The following DNAH6 variants were observed in gnomAD, a reference collection of about 807,000 sequenced individuals.
DNAH6 encodes dynein axonemal heavy chain 6, also known as axonemal beta dynein heavy chain 6.
Under a neutral mutation model 491.4 loss-of-function variants are expected in DNAH6, and 340 were observed. That is an observed-to-expected ratio of 0.69 (90% confidence interval 0.63 to 0.76). The LOEUF is 0.76. DNAH6 is among the 30% of genes least tolerant of loss of function. DNAH6 has a pLI of 0.00. For synonymous variants in DNAH6, 1,603 were observed against 1,686.1 expected (o/e 0.95, Z 1.21); for missense variants, 4,443 against 4,972.2 (o/e 0.89, Z 3.20).
chr2:84,623,383 A>G (rs1687575484), intron 26 of DNAH6, among the ~76,000 whole-genome samples: 1 of 152,168 alleles, frequency 6.6e-6, no homozygotes, highest in African/African-American at 2.4e-5. Flanking sequence ...CTCCAAATTC[A>G]ATTCTACTTC....
At chr2:84,491,638 G>T in the DNAH6 span, among the ~76,000 whole-genome samples, 1 of 152,122 alleles carries the variant, frequency 6.6e-6, no homozygotes, top group African/African-American at 2.4e-5. Context: ...TGATGTCTGG[G>T]ACTGCAGAAG....
At chr2:84,518,143 C>A in intron 2 of DNAH6, 92 bp downstream of exon 2, 2 of 908,810 alleles carry the variant, frequency 2.2e-6, no homozygotes, top group South Asian at 1.8e-5. Context: ...AGACTCTGAA[C>A]TGACAAAGAA....
At position 84,762,929 on chromosome 2, in the gene DNAH6, A is replaced by T; in HGVS notation, c.10687A>T (p.Ser3563Cys). ...MGAFQRFARE[S>C]GYSERVQSIS... ...TGCATTTCAGAGGTTTGCCAGGGAA[A>T]GTGGATATTCAGAACGGTAAGTTCA... Residue 3563 changes from serine to cysteine, a missense_variant, in exon 64 of 77, where the codon AGT (serine) becomes TGT (cysteine). Physicochemically the swap from Ser to Cys is moderately radical, Grantham distance 112 (BLOSUM62 -1). Coordinates refer to ENST00000389394, the MANE Select transcript of DNAH6 (RefSeq NM_001370.2). 6.4e-7 allele frequency: 1 copy of T among 1,551,240 alleles called. No individual in the cohort carries two copies. Among genetic ancestry groups the T allele is most frequent in the Non-Finnish European group, 8.7e-7 (1 of 1,146,642 alleles).
At chr2:84,637,616 A>G (rs1689006217) in intron 31 of DNAH6, among the ~76,000 whole-genome samples, 1 of 152,200 alleles carries the variant, frequency 6.6e-6, no homozygotes, top group Non-Finnish European at 1.5e-5. Flanking sequence ...AACTGGAAAG[A>G]ATCAATGAGT....
chr2:84,784,461 A>G (rs1289876291), intron 65 of DNAH6, among the ~76,000 whole-genome samples: 1 of 152,252 alleles, frequency 6.6e-6, no homozygotes, highest in South Asian at 2.1e-4. Context: ...AGCAAGTATT[A>G]AAAATTATCG....
At chr2:84,797,428 G>T in intron 69 of DNAH6, 109 bp from the exon 70 acceptor site, 2 of 1,020,694 alleles carry the variant, frequency 2.0e-6, no homozygotes, top group Non-Finnish European at 2.8e-6. Context: ...CTTTCTACAT[G>T]AGCCAGCTGA....
the DNAH6 span, among the ~76,000 whole-genome samples, chr2:84,492,644 T>A: frequency 1.1e-3 from 165 of 152,292 alleles, 3 homozygotes; most frequent in East Asian, 0.03. Flanking sequence ...GAAATAAAAT[T>A]AGTTTGGTAT....
chr2:84,500,362 G>C, the DNAH6 span, among the ~76,000 whole-genome samples: 1 of 152,044 alleles, frequency 6.6e-6, no homozygotes, highest in Non-Finnish European at 1.5e-5. Flanking sequence ...TTTGTTTCTG[G>C]GTTCTCTATT....
chr2:84,491,992 C>T, the DNAH6 span, among the ~76,000 whole-genome samples: 1 of 152,136 alleles, frequency 6.6e-6, no homozygotes, highest in East Asian at 1.9e-4. Flanking sequence ...GAAGATTCTC[C>T]CAGTCTACTG....
At chr2:84,751,033 C>T (rs1427867325) in intron 63 of DNAH6, 1 of 152,212 alleles carries the variant, frequency 6.6e-6, no homozygotes, top group Non-Finnish European at 1.5e-5. Flanking sequence ...ACAGTATCAC[C>T]TGAAGAAAAG....
chr2:84,819,030 C>T (rs904431993), intron 76 of DNAH6, among the ~76,000 whole-genome samples: 3 of 152,086 alleles, frequency 2.0e-5, no homozygotes, highest in Middle Eastern at 3.4e-3. Flanking sequence ...GCTGAGATCA[C>T]GCCACTACAC....
the DNAH6 span, among the ~76,000 whole-genome samples, chr2:84,462,020 A>G: frequency 1.3e-5 from 2 of 152,218 alleles, no homozygotes; most frequent in African/African-American, 4.8e-5. Context: ...GCCAAGAGAA[A>G]AGTCCAGCTG....
At chr2:84,566,765 A>G (rs970999813) in intron 11 of DNAH6, among the ~76,000 whole-genome samples, 2 of 152,074 alleles carry the variant, frequency 1.3e-5, no homozygotes, top group African/African-American at 4.8e-5. Flanking sequence ...AACACTCTAT[A>G]ATTAAAAGAA....
At chr2:84,495,406 A>G in the DNAH6 span, among the ~76,000 whole-genome samples, 2 of 152,268 alleles carry the variant, frequency 1.3e-5, no homozygotes, top group East Asian at 1.9e-4. Context: ...CAGGTGATCC[A>G]TCCACTTTGG....
At chr2:84,724,235 C>T (rs1391877485) in intron 60 of DNAH6, among the ~76,000 whole-genome samples, 1 of 152,144 alleles carries the variant, frequency 6.6e-6, no homozygotes, top group African/African-American at 2.4e-5. Context: ...ACACTTTTTC[C>T]CTGCAACACA....
intron 63 of DNAH6, among the ~76,000 whole-genome samples, chr2:84,752,497 A>AT (rs147428610): frequency 0.029 from 4,409 of 152,290 alleles, 95 homozygotes; most frequent in Non-Finnish European, 0.043. Context: ...CAATTCACCC[A>AT]TTTAAGATAT....
At chr2:84,786,101 A>G (rs922833842) in intron 67 of DNAH6, among the ~76,000 whole-genome samples, 2 of 150,366 alleles carry the variant, frequency 1.3e-5, no homozygotes, top group African/African-American at 4.9e-5. Context: ...AGAGAAAGAA[A>G]GAATGAATGA....
chr2:84,628,908 A>C (rs1688130439), intron 29 of DNAH6, among the ~76,000 whole-genome samples: 2 of 152,198 alleles, frequency 1.3e-5, no homozygotes, highest in African/African-American at 2.4e-5. Context: ...TTACCAGCGC[A>C]CTTGAAATCC....
intron 39 of DNAH6, among the ~76,000 whole-genome samples, chr2:84,671,647 C>T (rs956733615): frequency 2.6e-5 from 4 of 152,208 alleles, no homozygotes; most frequent in Non-Finnish European, 5.9e-5. Flanking sequence ...CCTTACCCCC[C>T]ACCCCTTCCT....
Sources: gnomAD v4.1 joint callset for allele counts (sites outside exome capture counted in the v4.1 genomes callset) on GRCh38, gnomAD v4.1.1 for gene constraint, MANE v1.5 for transcripts, NCBI Gene and HGNC (gene_info 2026-07-23, HGNC 2026-07-21) for gene names.